RCOR3: variants seen among roughly 807,000 people sequenced by gnomAD.
The protein encoded by RCOR3 is REST corepressor 3.
In RCOR3, 13 loss-of-function variants were observed where a neutral mutation model predicts 64.1. That is an observed-to-expected ratio of 0.20 (90% CI 0.13 to 0.32). RCOR3 has a LOEUF of 0.32. Among genes scored for constraint, RCOR3 ranks in the 10% least tolerant of loss-of-function variants. The pLI, the probability that RCOR3 is intolerant of heterozygous loss-of-function variation, is 1.00. For synonymous variants in RCOR3, 215 were observed against 239.0 expected (o/e 0.90, Z 0.93); for missense variants, 489 against 701.2 (o/e 0.70, Z 3.42).
intron 8 of RCOR3, among the ~76,000 whole-genome samples, chr1:211,292,436 G>C (rs1325937504): frequency 6.6e-6 from 1 of 152,108 alleles, no homozygotes; most frequent in Non-Finnish European, 1.5e-5. Flanking sequence ...AGTGTACTCA[G>C]TCACCTGTAT....
chr1:211,286,653 A>G (rs1354393760), intron 7 of RCOR3, among the ~76,000 whole-genome samples: 1 of 152,150 alleles, frequency 6.6e-6, no homozygotes, highest in Non-Finnish European at 1.5e-5. Flanking sequence ...TGAAAATTTT[A>G]TCCTGCATAT....
chr1:211,281,002 G>A lies in RCOR3; in HGVS notation c.720+1686G>A, dbSNP rs67607946. Among the ~76,000 whole-genome samples, 826 of 89,380 alleles carry A rather than the reference G, an allele frequency of 9.2e-3. 5 individuals carry two copies. Among genetic ancestry groups the A allele is most frequent in the Non-Finnish European group, 0.016 (575 of 36,360 alleles). The allele number at this position is 89,380 out of a possible 152,430, so 58.6% of individuals were successfully genotyped here. A position where few individuals can be genotyped will look rare whatever the true frequency, so the allele number is the denominator to read the frequency against. On this transcript the variant is annotated intron_variant, in intron 7 of 11. Coordinates refer to ENST00000419091, the MANE Select transcript of RCOR3 (RefSeq NM_001136223.3). ...TCCATCTCAAAAAAAAAAAAAAAAA[G>A]GCATATGTCTTAACCACTCTAGAAA...
intron 8 of RCOR3, among the ~76,000 whole-genome samples, chr1:211,294,919 C>G (rs1699700479): frequency 6.6e-6 from 1 of 152,032 alleles, no homozygotes; most frequent in Admixed American, 6.6e-5. Context: ...GCTTTGTCGC[C>G]TAGGCTAGAG....
At chr1:211,278,281 A>G (rs1327472695) in intron 6 of RCOR3, 40 bp downstream of exon 6, 2 of 1,601,540 alleles carry the variant, frequency 1.2e-6, no homozygotes, top group East Asian at 2.2e-5. Flanking sequence ...TGTTAGGGAC[A>G]CTGCATTGTA....
intron 2 of RCOR3, among the ~76,000 whole-genome samples, chr1:211,265,963 T>A (rs977456012): frequency 1.3e-5 from 2 of 152,024 alleles, no homozygotes; most frequent in African/African-American, 4.8e-5. Flanking sequence ...GCCCTTTTAT[T>A]TTTTTTAAGT....
At chr1:211,301,426 C>A (rs766963786) in intron 9 of RCOR3, 2 of 152,248 alleles carry the variant, frequency 1.3e-5, no homozygotes, top group African/African-American at 2.4e-5. Context: ...GACCCCTTGC[C>A]CCCCAAAACA....
At chr1:211,259,896 C>T (rs1693894316) in intron 1 of RCOR3, 170 bp downstream of exon 1, 2 of 1,077,672 alleles carry the variant, frequency 1.9e-6, no homozygotes, top group Admixed American at 3.3e-5. Context: ...CCCCCCGTCC[C>T]TCCGCCCTCG....
At chr1:211,311,621 C>A (rs531076744) in intron 10 of RCOR3, among the ~76,000 whole-genome samples, 7 of 152,232 alleles carry the variant, frequency 4.6e-5, no homozygotes, top group African/African-American at 1.4e-4. Context: ...ATTATTCTCT[C>A]ATCTGTGATC....
intron 10 of RCOR3, among the ~76,000 whole-genome samples, chr1:211,310,805 G>A (rs1286554461): frequency 6.6e-6 from 1 of 152,156 alleles, no homozygotes; most frequent in Non-Finnish European, 1.5e-5. Context: ...TGGAGTCAGA[G>A]TTAGTTTTAA....
intron 7 of RCOR3, among the ~76,000 whole-genome samples, chr1:211,284,227 T>TTTTG (rs886423144): frequency 2.6e-5 from 4 of 151,378 alleles, no homozygotes; most frequent in African/African-American, 9.7e-5. Flanking sequence ...CTAATTGTTT[T>TTTTG]TTTGTTTGTT....
At chr1:211,300,619 G>A (rs1700280856) in intron 9 of RCOR3, among the ~76,000 whole-genome samples, 1 of 152,036 alleles carries the variant, frequency 6.6e-6, no homozygotes, top group Non-Finnish European at 1.5e-5. Context: ...CATTTCCCCT[G>A]TCTTGGATGC....
chr1:211,302,265 T>C (rs1263119177), intron 9 of RCOR3: 3 of 152,288 alleles, frequency 2.0e-5, no homozygotes, highest in Non-Finnish European at 4.4e-5. Flanking sequence ...CAAAATGAAA[T>C]TGCGTACTTT....
chr1:211,307,496 T>TA (rs1700972512), intron 10 of RCOR3, among the ~76,000 whole-genome samples: 2 of 8,068 alleles, frequency 2.5e-4, no homozygotes, highest in Non-Finnish European at 8.0e-4. Context: ...AAAAAGAATT[T>TA]AAAAGAATTT....
intron 8 of RCOR3, among the ~76,000 whole-genome samples, chr1:211,294,191 AC>A (rs1322196368): frequency 2.0e-5 from 3 of 152,220 alleles, no homozygotes; most frequent in Non-Finnish European, 4.4e-5. Context: ...ACCCAGCTGA[AC>A]TGAGCGCACA....
intron 3 of RCOR3, among the ~76,000 whole-genome samples, chr1:211,273,204 A>T (rs897302979): frequency 5.3e-5 from 8 of 152,230 alleles, no homozygotes; most frequent in African/African-American, 1.7e-4. Flanking sequence ...CAAATACTTA[A>T]AAAATTCTTA....
At chr1:211,284,482 C>G (rs1317365238) in intron 7 of RCOR3, among the ~76,000 whole-genome samples, 2 of 150,820 alleles carry the variant, frequency 1.3e-5, no homozygotes, top group African/African-American at 4.9e-5. Context: ...TAAATAAGTT[C>G]ATGTTGTGAG....
intron 9 of RCOR3, among the ~76,000 whole-genome samples, chr1:211,299,670 C>G (rs971905842): frequency 1.3e-5 from 2 of 152,184 alleles, no homozygotes; most frequent in African/African-American, 4.8e-5. Context: ...GCCGAATTCA[C>G]TAAGCGTGTC....
chr1:211,296,547 T>A (rs1571957788), intron 9 of RCOR3, among the ~76,000 whole-genome samples: 1 of 152,168 alleles, frequency 6.6e-6, no homozygotes, highest in African/African-American at 2.4e-5. Context: ...CAGATGAAAT[T>A]TATGTGAGGG....
chr1:211,316,087 G>A lies in RCOR3; in HGVS notation c.*2319G>A, dbSNP rs1271434555. ...TTAGTACCTCTTCACTGTGAAATTC[G>A]AAATAATGATTTTTATAAAAGCAAA... On this transcript the variant is annotated 3_prime_UTR_variant, in exon 12 of 12. Transcript: ENST00000419091. 2 of 152,146 alleles carry A rather than the reference G, an allele frequency of 1.3e-5. No individual in the cohort carries two copies. Among genetic ancestry groups the A allele is most frequent in the South Asian group, 2.1e-4 (1 of 4,818 alleles). The allele number at this position is 152,146 out of a possible 1,614,324, so 9.4% of individuals were successfully genotyped here.
Sources: gnomAD v4.1 joint callset for allele counts (sites outside exome capture counted in the v4.1 genomes callset) on GRCh38, gnomAD v4.1.1 for gene constraint, MANE v1.5 for transcripts, NCBI Gene and HGNC (gene_info 2026-07-23, HGNC 2026-07-21) for gene names.